CFAP61: variants seen among roughly 807,000 people sequenced by gnomAD.
CFAP61 encodes the protein cilia- and flagella-associated protein 61.
In CFAP61, 107 loss-of-function variants were observed where a neutral mutation model predicts 135.6. The ratio of observed to expected loss-of-function variants is 0.79; its 90% CI spans 0.67 to 0.93. The LOEUF is 0.93. Ranked by LOEUF, CFAP61 falls within the 40% of genes least tolerant of loss-of-function variation. CFAP61 has a pLI of 0.00. For synonymous variants in CFAP61, 575 were observed against 578.5 expected (o/e 0.99, Z 0.09); for missense variants, 1,507 against 1,556.2 (o/e 0.97, Z 0.53).
chr20:20,213,587 A>T (rs1410148537), intron 17 of CFAP61, among the ~76,000 whole-genome samples: 1 of 152,042 alleles, frequency 6.6e-6, no homozygotes, highest in East Asian at 1.9e-4. Context: ...TGAAGGCTCT[A>T]CTCAACAGAT....
chr20:20,296,014 CT>C (rs10709885), intron 24 of CFAP61, among the ~76,000 whole-genome samples: 3,995 of 34,038 alleles, frequency 0.12, 141 homozygotes, highest in Middle Eastern at 0.15. Flanking sequence ...TCCTTCCCTC[CT>C]TTCCTTCCTT....
chr20:20,290,493 C>T, intron 24 of CFAP61, 102 bp downstream of exon 24: 2 of 781,162 alleles, frequency 2.6e-6, no homozygotes, highest in Non-Finnish European at 4.3e-6. Flanking sequence ...TGTGTTGGTT[C>T]ACACATCAGA....
Position 20,360,395 on chromosome 20 carries a change from G to T in CFAP61, c.3699G>T (p.Trp1233Cys). The change falls in exon 27 of 27, where the codon TGG becomes TGT. Residue 1233 changes from tryptophan to cysteine, a missense_variant. Coordinates refer to ENST00000245957, the MANE Select transcript of CFAP61 (RefSeq NM_015585.4). ...YNRYHLPMYA[W>C]PGIV ...GCTACCACCTGCCCATGTACGCGTG[G>T]CCAGGCATCGTTTAGTTGTAGGCAG... is the stretch of plus-strand genomic sequence containing the variant. 1 of 1,613,806 alleles carries T rather than the reference G, an allele frequency of 6.2e-7. No homozygotes were observed. The highest frequency in any genetic ancestry group is 8.5e-7 in the Non-Finnish European group (1 of 1,179,986).
At chr20:20,097,769 T>G (rs1006780484) in intron 7 of CFAP61, among the ~76,000 whole-genome samples, 1 of 152,240 alleles carries the variant, frequency 6.6e-6, no homozygotes, top group Non-Finnish European at 1.5e-5. Context: ...TCAAGTTTAC[T>G]TCACTGGAAC....
At chr20:20,189,712 A>G (rs1187487389) in intron 14 of CFAP61, among the ~76,000 whole-genome samples, 2 of 152,210 alleles carry the variant, frequency 1.3e-5, no homozygotes, top group African/African-American at 4.8e-5. Context: ...GGGAAACTGG[A>G]TCTCTAGTGT....
chr20:20,056,485 C>T, intron 1 of CFAP61, 133 bp from the exon 2 acceptor site: 2 of 642,010 alleles, frequency 3.1e-6, no homozygotes, highest in Non-Finnish European at 5.3e-6. Flanking sequence ...ACAGTTGTCA[C>T]AGACTACACC....
rs112173719 is a variant in CFAP61 at position 20,321,036 on chromosome 20, A to G, written c.3423-20795A>G. Among the ~76,000 whole-genome samples, 102 of 152,142 alleles carry G rather than the reference A, an allele frequency of 6.7e-4. 3 individuals are homozygous for G. The highest frequency in any genetic ancestry group is 2.2e-3 in the African/African-American group (91 of 41,506). On this transcript the variant is annotated intron_variant, in intron 25 of 26. Transcript: ENST00000245957. The stretch of plus-strand genomic sequence containing the variant: ...AAAAACTAACAAAAATAGGGCAGTT[A>G]TTAATTCTAAGAAAAGTTAAAAGTT...
intron 25 of CFAP61, among the ~76,000 whole-genome samples, chr20:20,312,694 G>A (rs1320094956): frequency 1.3e-5 from 2 of 152,096 alleles, no homozygotes; most frequent in Non-Finnish European, 2.9e-5. Flanking sequence ...AGTCTTAAAA[G>A]CAACAAAAGA....
intron 8 of CFAP61, among the ~76,000 whole-genome samples, chr20:20,140,440 G>A (rs1441840835): frequency 2.4e-4 from 6 of 24,904 alleles, no homozygotes; most frequent in East Asian, 2.4e-4. Context: ...GAGAACATGC[G>A]GTGTTTGGTT....
At chr20:20,323,133 G>A (rs1184532764) in intron 25 of CFAP61, 10 of 985,316 alleles carry the variant, frequency 1.0e-5, no homozygotes, top group East Asian at 1.1e-4. Context: ...ACTTCTTCCC[G>A]CCAAGGCTCA....
Position 20,072,091 on chromosome 20 carries a change from C to CTT in CFAP61, c.294+1127_294+1128dup, listed in dbSNP as rs71198039. Among the ~76,000 whole-genome samples the CTT allele has an allele frequency of 2.3e-4, 13 of 57,606 alleles. 3 individuals carry two copies. Among genetic ancestry groups the CTT allele is most frequent in the Non-Finnish European group, 2.4e-4 (7 of 28,740 alleles). The allele number at this position is 57,606 out of a possible 152,430, so 37.8% of individuals were successfully genotyped here. A position where few individuals can be genotyped will look rare whatever the true frequency, so the allele number is the denominator to read the frequency against. On this transcript the variant is annotated intron_variant, in intron 3 of 26. Transcript: ENST00000245957. ...CCTATTTGGTATCTAATCTAGCAATCTTTTTTTTTTTTTTTTTTTTTTTTT... is the reference window on the plus strand; with the variant it reads ...CCTATTTGGTATCTAATCTAGCAATCTTTTTTTTTTTTTTTTTTTTTTTTTTT...
intron 17 of CFAP61, among the ~76,000 whole-genome samples, chr20:20,224,950 A>G (rs966641096): frequency 6.6e-6 from 1 of 152,226 alleles, no homozygotes; most frequent in African/African-American, 2.4e-5. Context: ...TATGAAGGAA[A>G]TAAGACCCAA....
At chr20:20,234,450 C>G (rs2049415713) in intron 18 of CFAP61, among the ~76,000 whole-genome samples, 2 of 152,116 alleles carry the variant, frequency 1.3e-5, no homozygotes, top group African/African-American at 4.8e-5. Context: ...GGAGAAGAAG[C>G]AAGGGTTAGG....
At chr20:20,114,864 T>C (rs1458391177) in intron 8 of CFAP61, among the ~76,000 whole-genome samples, 2 of 152,170 alleles carry the variant, frequency 1.3e-5, no homozygotes, top group Admixed American at 6.5e-5. Flanking sequence ...TTGTGAATAC[T>C]CATTATCAGG....
chr20:20,090,788 G>A, intron 6 of CFAP61, 56 bp from the exon 7 acceptor site: 1 of 1,599,218 alleles, frequency 6.3e-7, no homozygotes, highest in Non-Finnish European at 8.5e-7. Context: ...TTGGTGCCCT[G>A]TTGAAGGAAA....
chr20:20,259,974 T>C (rs915000525), intron 20 of CFAP61, among the ~76,000 whole-genome samples: 1 of 152,162 alleles, frequency 6.6e-6, no homozygotes, highest in Non-Finnish European at 1.5e-5. Context: ...AACCCTCAGT[T>C]TGGATAACCA....
intron 9 of CFAP61, 24 bp from the exon 10 acceptor site, chr20:20,159,346 A>T (rs377000035): frequency 6.2e-7 from 1 of 1,612,006 alleles, no homozygotes; most frequent in East Asian, 2.2e-5. Context: ...ATTAATTTTC[A>T]TGTTTTGCTG....
intron 17 of CFAP61, among the ~76,000 whole-genome samples, chr20:20,211,405 G>A (rs1349082655): frequency 6.6e-6 from 1 of 152,190 alleles, no homozygotes; most frequent in African/African-American, 2.4e-5. Flanking sequence ...TAGTCTGAAT[G>A]TTGCCTCAAG....
At chr20:20,356,148 T>A (rs1418332036) in intron 26 of CFAP61, among the ~76,000 whole-genome samples, 2 of 100,652 alleles carry the variant, frequency 2.0e-5, no homozygotes, top group Admixed American at 2.1e-4. Context: ...GAGGAGGTGG[T>A]CACACTGAGG....
Sources: gnomAD v4.1 joint callset for allele counts (sites outside exome capture counted in the v4.1 genomes callset) on GRCh38, gnomAD v4.1.1 for gene constraint, MANE v1.5 for transcripts, NCBI Gene and HGNC (gene_info 2026-07-23, HGNC 2026-07-21) for gene names.